Variants in TACC1 observed in about 807,000 individuals in gnomAD.
TACC1 encodes transforming acidic coiled-coil containing protein 1.
In TACC1, 48 loss-of-function variants were observed where a neutral mutation model predicts 84.4. The observed-to-expected ratio is 0.57, with a 90% CI of 0.45 to 0.72. The LOEUF is 0.72. Among genes scored for constraint, TACC1 ranks in the 30% least tolerant of loss-of-function variants. The pLI is 0.00. For synonymous variants in TACC1, 372 were observed against 376.3 expected (o/e 0.99, Z 0.13); for missense variants, 920 against 973.0 (o/e 0.95, Z 0.72).
chr8:38,827,549 T>C (rs1343873597), intron 5 of TACC1, 174 bp downstream of exon 5: 8 of 649,404 alleles, frequency 1.2e-5, no homozygotes, highest in African/African-American at 1.8e-5. Flanking sequence ...AAAGTGCTTA[T>C]TGAAGTACTA....
chr8:38,791,308 A>G lies in TACC1; in HGVS notation c.277+2489A>G, dbSNP rs74450206. On this transcript the variant is annotated intron_variant, in intron 2 of 12. Transcript: ENST00000317827. ...AATGTTTATGGATCATGAAGGCTCT[A>G]TGGGGTAGTTCATGAATGCAGACTG... Among the ~76,000 whole-genome samples the G allele has an allele frequency of 7.7e-4, 117 of 152,268 alleles. 2 individuals carry two copies. The East Asian group carries it at 0.017, about 22-fold the overall frequency.
chr8:38,733,285 A>G (rs1193101725), intron 1 of TACC1, among the ~76,000 whole-genome samples: 6 of 150,192 alleles, frequency 4.0e-5, no homozygotes, highest in Admixed American at 3.3e-4. Context: ...TCCATCTCTC[A>G]TATCCAGAAT....
In TACC1 at chr8:38,848,911, C is replaced by T. The variant is rs1832747162; in HGVS notation, c.*888C>T. 1 of 152,004 alleles carries T rather than the reference C, an allele frequency of 6.6e-6. No individual in the cohort carries two copies. The highest frequency in any genetic ancestry group is 6.6e-5 in the Admixed American group (1 of 15,260). 9.4% of individuals were successfully genotyped at this position (152,004 alleles called of 1,614,324 possible). On this transcript the variant is annotated 3_prime_UTR_variant, in exon 13 of 13. Transcript: ENST00000317827. ...CAAGTCTGCCCTAGAGTCATTTACTCTCCTCTGCCTCCATTTGTTAATACA... is the reference window on the plus strand; with the variant it reads ...CAAGTCTGCCCTAGAGTCATTTACTTTCCTCTGCCTCCATTTGTTAATACA...
intron 2 of TACC1, among the ~76,000 whole-genome samples, chr8:38,743,217 T>C (rs1186284522): frequency 1.3e-5 from 2 of 152,186 alleles, no homozygotes; most frequent in East Asian, 3.8e-4. Flanking sequence ...AAAAAACTCT[T>C]ACCTCATCCA....
intron 2 of TACC1, among the ~76,000 whole-genome samples, chr8:38,799,320 A>G (rs1820784345): frequency 6.6e-6 from 1 of 152,170 alleles, no homozygotes; most frequent in Non-Finnish European, 1.5e-5. Flanking sequence ...GGTGAGGAGG[A>G]GTCCTTTATG....
chr8:38,799,768 G>A (rs1388379336), intron 2 of TACC1: 1 of 152,108 alleles, frequency 6.6e-6, no homozygotes, highest in Non-Finnish European at 1.5e-5. Context: ...AGCACATGTG[G>A]GCTTCCTCAA....
At chr8:38,772,748 T>C (rs1813894970) in intron 3 of TACC1, among the ~76,000 whole-genome samples, 1 of 152,114 alleles carries the variant, frequency 6.6e-6, no homozygotes, top group Non-Finnish European at 1.5e-5. Flanking sequence ...TGTTAATAAA[T>C]GTAAATAAAT....
chr8:38,737,797 G>C (rs189373944), intron 1 of TACC1, among the ~76,000 whole-genome samples: 2 of 150,822 alleles, frequency 1.3e-5, no homozygotes, highest in African/African-American at 4.9e-5. Context: ...GTGCGATCTC[G>C]GCTCACCGCA....
At chr8:38,836,345 C>A (rs1385617091) in intron 7 of TACC1, 58 bp downstream of exon 7, 19 of 1,580,906 alleles carry the variant, frequency 1.2e-5, no homozygotes, top group Non-Finnish European at 1.5e-5. Flanking sequence ...GGCCCATGTA[C>A]CAGCAGGTAG....
At chr8:38,836,703 T>G (rs182830832) in intron 7 of TACC1, among the ~76,000 whole-genome samples, 13 of 152,356 alleles carry the variant, frequency 8.5e-5, no homozygotes, top group African/African-American at 2.6e-4. Flanking sequence ...ACCGTTCAAC[T>G]CTCCGATTCC....
intron 3 of TACC1, among the ~76,000 whole-genome samples, chr8:38,775,401 T>C (rs948254739): frequency 1.3e-5 from 2 of 152,246 alleles, no homozygotes; most frequent in Admixed American, 6.5e-5. Context: ...CTGTTAAGGC[T>C]ACTATAAGGA....
chr8:38,803,162 G>T (rs1246063907), intron 2 of TACC1, among the ~76,000 whole-genome samples: 2 of 152,136 alleles, frequency 1.3e-5, no homozygotes, highest in Non-Finnish European at 2.9e-5. Flanking sequence ...TTCATTTATA[G>T]TTTTTTGGTG....
At chr8:38,792,336 T>C (rs116316056) in intron 2 of TACC1, among the ~76,000 whole-genome samples, 1 of 152,232 alleles carries the variant, frequency 6.6e-6, no homozygotes, top group African/African-American at 2.4e-5. Flanking sequence ...GATCTATGTC[T>C]AGACTGGAGT....
chr8:38,739,568 G>A (rs1714167125), intron 1 of TACC1, among the ~76,000 whole-genome samples: 1 of 152,204 alleles, frequency 6.6e-6, no homozygotes, highest in African/African-American at 2.4e-5. Flanking sequence ...TTGTAATACA[G>A]TTAGATTGAT....
chr8:38,810,565 T>C (rs1339787909), intron 2 of TACC1, among the ~76,000 whole-genome samples: 1 of 152,080 alleles, frequency 6.6e-6, no homozygotes, highest in African/African-American at 2.4e-5. Flanking sequence ...GAGTGCTCCG[T>C]TGTACTCTAG....
At chr8:38,826,688 T>A (rs1211945740) in intron 4 of TACC1, among the ~76,000 whole-genome samples, 1 of 152,206 alleles carries the variant, frequency 6.6e-6, no homozygotes, top group Non-Finnish European at 1.5e-5. Context: ...CAGGAACTTG[T>A]TCATTTAAAT....
intron 3 of TACC1, among the ~76,000 whole-genome samples, chr8:38,755,082 C>T (rs1410740198): frequency 6.6e-6 from 1 of 150,598 alleles, no homozygotes; most frequent in African/African-American, 2.5e-5. Context: ...ATCATTTGAA[C>T]CCGGGAGGCA....
At chr8:38,825,539 A>G (rs1251971929) in intron 4 of TACC1, among the ~76,000 whole-genome samples, 171 bp downstream of exon 4, 1 of 151,506 alleles carries the variant, frequency 6.6e-6, no homozygotes, top group Non-Finnish European at 1.5e-5. Context: ...GCCCCTGAAG[A>G]CAAGGGAACC....
intron 2 of TACC1, among the ~76,000 whole-genome samples, chr8:38,803,789 G>T (rs923076335): frequency 6.6e-6 from 1 of 152,120 alleles, no homozygotes; most frequent in Non-Finnish European, 1.5e-5. Flanking sequence ...GATGGAGTGA[G>T]TTGGAAAGTG....
Sources: allele counts gnomAD v4.1 joint callset (sites outside exome capture counted in the v4.1 genomes callset), GRCh38; gene constraint gnomAD v4.1.1; transcripts MANE v1.5; gene names NCBI Gene and HGNC (gene_info 2026-07-23, HGNC 2026-07-21).